Variants in HOXB3 observed in about 807,000 individuals in gnomAD.
HOXB3 encodes homeobox protein Hox-B3.
HOXB3 carries 17 observed loss-of-function variants against 29.2 expected under a neutral mutation model. That is an observed-to-expected ratio of 0.58 (90% CI 0.40 to 0.87). HOXB3 has a LOEUF of 0.87. HOXB3 is among the 40% of genes least tolerant of loss of function. The probability of loss-of-function intolerance (pLI) is 0.00; values close to 1 mark genes in which losing one functional copy is unlikely to be tolerated. For missense variants in HOXB3, 637 were observed against 616.3 expected, an observed-to-expected ratio of 1.03 and a Z score of -0.35; for synonymous variants, 317 against 285.9, an observed-to-expected ratio of 1.11 and a Z score of -1.10.
Position 48,550,247 on chromosome 17 carries a change from C to G in HOXB3, c.*87G>C. On this transcript the variant is annotated 3_prime_UTR_variant, in exon 5 of 5. Transcript: ENST00000498678. Reference sequence around the variant, plus strand: ...AGCCTGGGTACCACCTTCTCTGGCTCCTCTTTTCAGACCTCCAGGTTGCCC... The same window carrying G: ...AGCCTGGGTACCACCTTCTCTGGCTGCTCTTTTCAGACCTCCAGGTTGCCC... The G allele has an allele frequency of 6.4e-7, 1 of 1,563,586 alleles. No homozygotes were observed.
intron 2 of HOXB3, among the ~76,000 whole-genome samples, chr17:48,566,602 C>T (rs1254320474): frequency 6.6e-6 from 1 of 152,138 alleles, no homozygotes; most frequent in Non-Finnish European, 1.5e-5. Context: ...GGGACTGGCT[C>T]TCCATGCTAG....
At chr17:48,578,381 C>G in intron 1 of HOXB3, 2 of 1,555,324 alleles carry the variant, frequency 1.3e-6, no homozygotes, top group East Asian at 2.4e-5. Flanking sequence ...ACTCGTTTTC[C>G]TGTTTCCGAA....
intron 4 of HOXB3, 65 bp from the exon 5 acceptor site, chr17:48,551,246 C>T (rs913833468): frequency 7.9e-7 from 1 of 1,259,482 alleles, no homozygotes; most frequent in Non-Finnish European, 1.0e-6. Flanking sequence ...CTGAACACGC[C>T]GAAATTGAAT....
intron 2 of HOXB3, chr17:48,559,496 A>G (rs139340490): frequency 2.6e-5 from 4 of 152,320 alleles, no homozygotes; most frequent in African/African-American, 9.6e-5. Context: ...CCAGTCCCAC[A>G]CTGTTTTCCA....
intron 2 of HOXB3, among the ~76,000 whole-genome samples, chr17:48,564,479 C>CGCGG (rs1426449408): frequency 2.0e-5 from 3 of 152,088 alleles, no homozygotes; most frequent in Non-Finnish European, 2.9e-5. Flanking sequence ...CCCAGGAGCG[C>CGCGG]GCGGATCTGG....
In HOXB3 at chr17:48,552,292, G is replaced by A. The variant is rs1401815421; in HGVS notation, c.183C>T (p.Ala61=). 1 of 1,614,042 alleles carries A rather than the reference G, an allele frequency of 6.2e-7. No homozygotes were observed. Among genetic ancestry groups the A allele is most frequent in the East Asian group, 2.2e-5 (1 of 44,884 alleles). ...ACSLQSLGNA[A]PHAKSKELNG... is the part of the protein sequence containing the mutation. ...TGAGCTCCTTGCTCTTGGCATGTGG[G>A]GCAGCGTTGCCCAGGGACTGCAGCG... The change falls in exon 4 of 5, where the codon GCC becomes GCT. Residue 61 remains alanine, a synonymous_variant. Coordinates refer to ENST00000498678, the MANE Select transcript of HOXB3 (RefSeq NM_001384749.1).
intron 1 of HOXB3, chr17:48,578,195 T>C: frequency 6.2e-7 from 1 of 1,613,320 alleles, no homozygotes; most frequent in Non-Finnish European, 8.5e-7. Flanking sequence ...CTCTCGCCTC[T>C]GGCCGCCGGC....
At chr17:48,574,035 A>C in intron 1 of HOXB3, 21 bp from the exon 2 acceptor site, 1 of 610,218 alleles carries the variant, frequency 1.6e-6, no homozygotes, top group Non-Finnish European at 2.9e-6. Context: ...ATAACAAAGG[A>C]GAGAGGATAC....
chr17:48,582,232 C>CCGG (rs1370477664), intron 1 of HOXB3: 12 of 152,394 alleles, frequency 7.9e-5, no homozygotes, highest in Non-Finnish European at 1.3e-4. Flanking sequence ...GGCCTGCGCA[C>CCGG]CGGCGGCGGC....
chr17:48,555,323 GGAGA>G (rs1459851484), intron 3 of HOXB3: 9 of 559,526 alleles, frequency 1.6e-5, no homozygotes, highest in African/African-American at 1.1e-4. Context: ...AAGAGAGAGG[GGAGA>G]GAGAGAGGGA....
rs1003244570 is a variant in HOXB3, at chr17:48,550,158, G to A, written c.*176C>T. The A allele has an allele frequency of 2.6e-5, 19 of 744,172 alleles. No homozygotes were observed. The East Asian group carries it at 3.5e-4, about 14-fold the overall frequency. The allele number at this position is 744,172 out of a possible 1,614,324, so 46.1% of individuals were successfully genotyped here. On this transcript the variant is annotated 3_prime_UTR_variant, in exon 5 of 5. Transcript: ENST00000498678. ...CAGGCAGATGGAACAAGGGGTGGAAGACTTAAAAGCAACCTCTCAGGCCAG... is the reference window on the plus strand; with the variant it reads ...CAGGCAGATGGAACAAGGGGTGGAAAACTTAAAAGCAACCTCTCAGGCCAG...
rs2068631562 is a variant in HOXB3, at chr17:48,549,437, A to T, written c.*897T>A. 1.4e-5 allele frequency: 1 copy of T among 70,474 alleles called. No homozygotes were observed. Among genetic ancestry groups the T allele is most frequent in the South Asian group, 3.9e-4 (1 of 2,548 alleles). The allele number at this position is 70,474 out of a possible 1,614,324, so 4.4% of individuals were successfully genotyped here. Reference sequence around the variant, plus strand: ...TGAGCAAGGCACACAGGCCCTGCCCAGCCCCTGCCTGGGACAGTTTGTTCA... The same window carrying T: ...TGAGCAAGGCACACAGGCCCTGCCCTGCCCCTGCCTGGGACAGTTTGTTCA... On this transcript the variant is annotated 3_prime_UTR_variant, in exon 5 of 5. Transcript: ENST00000498678.
In HOXB3 at chr17:48,554,310, T is replaced by G. The variant is rs1011627462; in HGVS notation, c.-159+1221A>C. The stretch of plus-strand genomic sequence containing the variant: ...TTGGCTGGCTAGGCCCTGGCTTTAT[T>G]TAGTCTGATTGTTACAGCAATAATA... On this transcript the variant is annotated intron_variant, in intron 3 of 4. Coordinates refer to ENST00000498678, the MANE Select transcript of HOXB3 (RefSeq NM_001384749.1). The surrounding 1 kb of genome is among the most constrained non-coding windows in gnomAD (Gnocchi z 4.1). The G allele has an allele frequency of 1.7e-5, 5 of 287,410 alleles. No individual in the cohort carries two copies. The highest frequency in any genetic ancestry group is 1.1e-4 in the African/African-American group (5 of 46,190). 17.8% of individuals were successfully genotyped at this position (287,410 alleles called of 1,614,324 possible). A position where few individuals can be genotyped will look rare whatever the true frequency, so the allele number is the denominator to read the frequency against.
chr17:48,559,185 T>G (rs1489202368), intron 2 of HOXB3, among the ~76,000 whole-genome samples: 1 of 152,062 alleles, frequency 6.6e-6, no homozygotes, highest in African/African-American at 2.4e-5. Flanking sequence ...GGGAGCACTT[T>G]AAACCCTCTG....
intron 2 of HOXB3, among the ~76,000 whole-genome samples, chr17:48,564,122 C>A (rs1326180598): frequency 6.6e-6 from 1 of 151,876 alleles, no homozygotes; most frequent in Non-Finnish European, 1.5e-5. Flanking sequence ...CCGGCCTGTC[C>A]CAGGAGAGAG....
chr17:48,588,100 G>T (rs545451013), intron 1 of HOXB3, among the ~76,000 whole-genome samples: 1 of 152,252 alleles, frequency 6.6e-6, no homozygotes, highest in African/African-American at 2.4e-5. Context: ...GAGGACAGAG[G>T]TCTGGGGCAG....
At chr17:48,555,650 T>A in intron 2 of HOXB3, 32 bp from the exon 3 acceptor site, 1 of 700,818 alleles carries the variant, frequency 1.4e-6, no homozygotes, top group Non-Finnish European at 2.6e-6. Flanking sequence ...GACCACTGTT[T>A]AAAGCTGCGT....
rs924307409 is a variant in HOXB3, at chr17:48,554,549, G to A, written c.-159+982C>T. ...CAGGGCTGGGAAGGTTTGTGCACCC[G>A]GGTAGTCCCTGGCTGCTGCTGCCAG... On this transcript the variant is annotated intron_variant, in intron 3 of 4. Coordinates refer to ENST00000498678, the MANE Select transcript of HOXB3 (RefSeq NM_001384749.1). This position sits in a 1 kb window ranked among gnomAD's most constrained non-coding sequence, Gnocchi z 4.1. 1 of 692,424 alleles carries A rather than the reference G, an allele frequency of 1.4e-6. No homozygotes were observed. Among genetic ancestry groups the A allele is most frequent in the Non-Finnish European group, 2.6e-6 (1 of 379,934 alleles). 42.9% of individuals were successfully genotyped at this position (692,424 alleles called of 1,614,324 possible).
At chr17:48,589,246 T>G (rs1416667547) in intron 1 of HOXB3, among the ~76,000 whole-genome samples, 5 of 152,170 alleles carry the variant, frequency 3.3e-5, no homozygotes, top group African/African-American at 1.2e-4. Context: ...CTCTTCCAGC[T>G]CCTGAATCTA....
Sources: gnomAD v4.1 joint callset for allele counts (sites outside exome capture counted in the v4.1 genomes callset) on GRCh38, gnomAD v4.1.1 for gene constraint, Gnocchi (gnomAD v3.1) non-coding constraint, MANE v1.5 for transcripts, NCBI Gene and HGNC (gene_info 2026-07-23, HGNC 2026-07-21) for gene names.